The following LYPD6B variants were observed in gnomAD, a reference collection of about 807,000 sequenced individuals.
LYPD6B encodes the protein LY6/PLAUR domain containing 6B.
LYPD6B carries 17 observed loss-of-function variants against 22.8 expected under a neutral mutation model. The observed-to-expected ratio is 0.75, with a 90% CI of 0.51 to 1.12. The LOEUF is 1.12. Ranked by LOEUF, LYPD6B falls within the 50% of genes most tolerant of loss-of-function variation. The pLI is 0.00. For synonymous variants in LYPD6B, 106 were observed against 91.6 expected, an observed-to-expected ratio of 1.16 and a Z score of -0.90; for missense variants, 221 against 258.3, an observed-to-expected ratio of 0.86 and a Z score of 0.99.
intron 3 of LYPD6B, among the ~76,000 whole-genome samples, chr2:149,185,956 C>T (rs1463577089): frequency 2.0e-5 from 3 of 152,184 alleles, no homozygotes; most frequent in African/African-American, 4.8e-5. Flanking sequence ...ATGTTCTGAC[C>T]GTACCAGTGA....
chr2:149,191,397 A>G (rs141018996), intron 3 of LYPD6B, among the ~76,000 whole-genome samples: 1 of 152,190 alleles, frequency 6.6e-6, no homozygotes, highest in East Asian at 1.9e-4. Flanking sequence ...GTATCCAACC[A>G]TATTTTTTTC....
At chr2:149,159,641 G>A (rs982829789) in intron 2 of LYPD6B, among the ~76,000 whole-genome samples, 13 of 151,704 alleles carry the variant, frequency 8.6e-5, no homozygotes, top group African/African-American at 3.1e-4. Context: ...AAGAGAGAGA[G>A]AGTAGGGGCA....
intron 3 of LYPD6B, among the ~76,000 whole-genome samples, chr2:149,196,548 C>A (rs1692821734): frequency 6.6e-6 from 1 of 152,156 alleles, no homozygotes; most frequent in African/African-American, 2.4e-5. Context: ...TGCATAGTAA[C>A]AATTCTGCAT....
At chr2:149,130,329 G>A (rs1687948508) in intron 1 of LYPD6B, among the ~76,000 whole-genome samples, 1 of 152,148 alleles carries the variant, frequency 6.6e-6, no homozygotes, top group Non-Finnish European at 1.5e-5. Context: ...AAGAGAAGTC[G>A]CTAGTTTAAT....
intron 2 of LYPD6B, among the ~76,000 whole-genome samples, chr2:149,158,324 T>C (rs994955987): frequency 6.6e-6 from 1 of 152,196 alleles, no homozygotes; most frequent in Non-Finnish European, 1.5e-5. Context: ...TACAATGGAA[T>C]ATTATTCAGC....
chr2:149,051,445 G>A lies in LYPD6B; in HGVS notation c.-67+12644G>A, dbSNP rs912736337. ...CTCCCAAAGTGCTGGGATTACAGGC[G>A]TGAGCCACCGCGCCCGGCCAACAAC... is the stretch of plus-strand genomic sequence containing the variant. On this transcript the variant is annotated intron_variant, in intron 1 of 6. Coordinates refer to ENST00000409642, the MANE Select transcript of LYPD6B (RefSeq NM_177964.5). 4.6e-5 allele frequency among the ~76,000 whole-genome samples: 7 copies of A among 151,714 alleles called. No homozygotes were observed. In the South Asian group the frequency reaches 6.2e-4, roughly 14 times the overall value.
intron 1 of LYPD6B, among the ~76,000 whole-genome samples, chr2:149,066,717 C>A (rs1000943329): frequency 6.6e-6 from 1 of 151,952 alleles, no homozygotes; most frequent in East Asian, 1.9e-4. Flanking sequence ...ACCTTTGATT[C>A]CTTCTTCACC....
chr2:149,159,583 T>TGTGTGC (rs1027095498), intron 2 of LYPD6B, among the ~76,000 whole-genome samples: 1 of 102,476 alleles, frequency 9.8e-6, no homozygotes, highest in Non-Finnish European at 2.0e-5. Flanking sequence ...AGAGAGCATA[T>TGTGTGC]GTGTGCGTGT....
chr2:149,130,734 C>A, intron 1 of LYPD6B, 149 bp from the exon 2 acceptor site: 1 of 480,802 alleles, frequency 2.1e-6, no homozygotes, highest in East Asian at 3.3e-5. Context: ...CTTTCTTGTA[C>A]CTGGTTTGTG....
At position 149,122,818 on chromosome 2, in the gene LYPD6B, C is replaced by T. The variant is rs140252428; in HGVS notation, c.-66-8065C>T. Reference sequence around the variant, plus strand: ...TGTGAGTCCTCTATACAGATTTTCACATGTTGCTTTTATTTGGATGGCAAT... The same window carrying T: ...TGTGAGTCCTCTATACAGATTTTCATATGTTGCTTTTATTTGGATGGCAAT... On this transcript the variant is annotated intron_variant, in intron 1 of 6. Transcript: ENST00000409642. Among the ~76,000 whole-genome samples the T allele has an allele frequency of 2.0e-4, 31 of 152,252 alleles. No homozygotes were observed. In the East Asian group the frequency reaches 6.0e-3, roughly 29 times the overall value.
chr2:149,211,964 T>C (rs191912340), intron 5 of LYPD6B, among the ~76,000 whole-genome samples: 182 of 151,908 alleles, frequency 1.2e-3, no homozygotes, highest in Non-Finnish European at 2.0e-3. Context: ...TGAGGTACTG[T>C]AGATAAGCAG....
chr2:149,214,773 C>A lies in LYPD6B; in HGVS notation c.*63C>A. ...AAGCACAAGCCAAAAACTGTGTGAACGGTGAACTTTGGAGTGAAGATCAAT... is the reference window on the plus strand; with the variant it reads ...AAGCACAAGCCAAAAACTGTGTGAAAGGTGAACTTTGGAGTGAAGATCAAT... On this transcript the variant is annotated 3_prime_UTR_variant, in exon 7 of 7. Transcript: ENST00000409642. The A allele has an allele frequency of 6.5e-7, 1 of 1,545,030 alleles. No individual in the cohort carries two copies. Among genetic ancestry groups the A allele is most frequent in the Non-Finnish European group, 8.9e-7 (1 of 1,119,616 alleles).
chr2:149,139,408 A>G (rs1416582935), intron 2 of LYPD6B, among the ~76,000 whole-genome samples: 1 of 152,202 alleles, frequency 6.6e-6, no homozygotes, highest in East Asian at 1.9e-4. Flanking sequence ...ACCATCAGAT[A>G]TAATCTGCCG....
intron 1 of LYPD6B, among the ~76,000 whole-genome samples, chr2:149,081,571 C>A (rs1685136602): frequency 6.6e-6 from 1 of 152,068 alleles, no homozygotes; most frequent in African/African-American, 2.4e-5. Flanking sequence ...AAACAAGGAA[C>A]TCAGTGTGTG....
Position 149,042,926 on chromosome 2 carries a change from C to A in LYPD6B, c.-67+4125C>A, listed in dbSNP as rs144150134. 9.1e-4 allele frequency among the ~76,000 whole-genome samples: 138 copies of A among 152,232 alleles called. No homozygotes were observed. In the East Asian group the frequency reaches 0.018, roughly 20 times the overall value. On this transcript the variant is annotated intron_variant, in intron 1 of 6. Transcript: ENST00000409642. Reference sequence around the variant, plus strand: ...TCAATTTTATAGGATTTCTTTCATGCAGAATTTCTTTGATTGTTTGTTATA... The same window carrying A: ...TCAATTTTATAGGATTTCTTTCATGAAGAATTTCTTTGATTGTTTGTTATA...
chr2:149,213,226 A>G, intron 6 of LYPD6B, 104 bp downstream of exon 6: 1 of 1,436,866 alleles, frequency 7.0e-7, no homozygotes, highest in Non-Finnish European at 9.5e-7. Flanking sequence ...GACCATGTTT[A>G]CATTTTGAGG....
At chr2:149,139,097 C>A (rs558287163) in intron 2 of LYPD6B, among the ~76,000 whole-genome samples, 2 of 152,300 alleles carry the variant, frequency 1.3e-5, no homozygotes, top group Admixed American at 1.3e-4. Context: ...CCGTGAAGTG[C>A]TGGCAGTCCT....
At chr2:149,181,470 C>T (rs952910433) in intron 3 of LYPD6B, among the ~76,000 whole-genome samples, 4 of 151,538 alleles carry the variant, frequency 2.6e-5, no homozygotes, top group African/African-American at 9.7e-5. Flanking sequence ...CTCAGAACTA[C>T]ATCAGGCCCC....
chr2:149,041,587 C>G (rs1245982553), intron 1 of LYPD6B, among the ~76,000 whole-genome samples: 2 of 151,964 alleles, frequency 1.3e-5, no homozygotes, highest in East Asian at 3.9e-4. Context: ...ATTCTGTTAG[C>G]AAGGAGGAAA....
Sources: allele counts gnomAD v4.1 joint callset (sites outside exome capture counted in the v4.1 genomes callset), GRCh38; gene constraint gnomAD v4.1.1; transcripts MANE v1.5; gene names NCBI Gene and HGNC (gene_info 2026-07-23, HGNC 2026-07-21).